EFR3B: variants seen among roughly 807,000 people sequenced by gnomAD.
The protein encoded by EFR3B is protein EFR3 homolog B.
In EFR3B, 64 loss-of-function variants were observed where a neutral mutation model predicts 104.7. The ratio of observed to expected loss-of-function variants is 0.61; its 90% CI spans 0.50 to 0.75. The LOEUF (loss-of-function observed/expected upper bound fraction) is 0.75, where lower values mean the gene tolerates loss of function less well. Among genes scored for constraint, EFR3B ranks in the 30% least tolerant of loss-of-function variants. The pLI, the probability that EFR3B is intolerant of heterozygous loss-of-function variation, is 0.00. For synonymous variants in EFR3B, 385 were observed against 417.9 expected (o/e 0.92, Z 0.96); for missense variants, 750 against 1,078.5 (o/e 0.70, Z 4.27).
intron 1 of EFR3B, among the ~76,000 whole-genome samples, chr2:25,060,900 G>T (rs113664135): frequency 4.1e-4 from 60 of 147,364 alleles, no homozygotes; most frequent in African/African-American, 1.5e-3. Context: ...CAGCCTGGGC[G>T]ACACGACGAG....
At chr2:25,119,724 G>A (rs1250792205) in intron 4 of EFR3B, among the ~76,000 whole-genome samples, 1 of 151,996 alleles carries the variant, frequency 6.6e-6, no homozygotes, top group African/African-American at 2.4e-5. Flanking sequence ...TTGTATGTTG[G>A]GATTCTCTCA....
At chr2:25,148,839 G>A (rs1379632784) in intron 19 of EFR3B, among the ~76,000 whole-genome samples, 3 of 142,386 alleles carry the variant, frequency 2.1e-5, no homozygotes, top group Admixed American at 7.3e-5. Context: ...GGAGAATGGC[G>A]TGAACCCGGG....
At chr2:25,153,380 C>T (rs1573243076) in intron 21 of EFR3B, among the ~76,000 whole-genome samples, 2 of 151,856 alleles carry the variant, frequency 1.3e-5, no homozygotes, top group South Asian at 4.2e-4. Flanking sequence ...AGAAAAGAGC[C>T]GGCACTAGTG....
At chr2:25,061,651 G>A (rs568274780) in intron 1 of EFR3B, among the ~76,000 whole-genome samples, 59 of 151,266 alleles carry the variant, frequency 3.9e-4, no homozygotes, top group African/African-American at 1.2e-3. Flanking sequence ...GCGCCACCAC[G>A]CCCGGCTATT....
At chr2:25,113,365 A>T (rs1334933921) in intron 4 of EFR3B, among the ~76,000 whole-genome samples, 1 of 152,156 alleles carries the variant, frequency 6.6e-6, no homozygotes, top group East Asian at 1.9e-4. Flanking sequence ...AACAGATAGG[A>T]GTTCCTGTTG....
intron 4 of EFR3B, among the ~76,000 whole-genome samples, chr2:25,104,034 A>T (rs896521949): frequency 1.3e-5 from 2 of 151,796 alleles, no homozygotes; most frequent in African/African-American, 4.8e-5. Flanking sequence ...AAAATTCACC[A>T]CTTTCAAGCA....
At chr2:25,057,714 G>GGA (rs1190353521) in intron 1 of EFR3B, among the ~76,000 whole-genome samples, 2 of 151,612 alleles carry the variant, frequency 1.3e-5, no homozygotes, top group African/African-American at 2.4e-5. Context: ...CCTGGGAGGC[G>GGA]GAGGTTGTAG....
At chr2:25,121,535 C>T in intron 4 of EFR3B, 138 bp from the exon 5 acceptor site, 1 of 1,009,662 alleles carries the variant, frequency 9.9e-7, no homozygotes. Flanking sequence ...CCCCAGTGTG[C>T]TCTGCAAGGC....
intron 4 of EFR3B, among the ~76,000 whole-genome samples, chr2:25,116,510 GC>G (rs1391010202): frequency 6.8e-6 from 1 of 146,750 alleles, no homozygotes; most frequent in Non-Finnish European, 1.5e-5. Context: ...TGTAATCCTA[GC>G]TTTTTGGGAG....
chr2:25,151,940 G>T lies in EFR3B; in HGVS notation c.2218G>T (p.Glu740Ter). 6.4e-7 allele frequency: 1 copy of T among 1,551,778 alleles called. No individual in the cohort carries two copies. Among genetic ancestry groups the T allele is most frequent in the South Asian group, 1.2e-5 (1 of 84,060 alleles). The part of the protein sequence containing the change: ...IVDSVAVEEQ[E>*]RERRRQVVEK... Reference sequence around the variant, plus strand: ...GGACAGCGTAGCAGTGGAGGAGCAGGAGCGTGAGCGGCGGCGGCAGGTGGT... The same window carrying T: ...GGACAGCGTAGCAGTGGAGGAGCAGTAGCGTGAGCGGCGGCGGCAGGTGGT... Residue 740 changes from glutamate to a stop codon, truncating the protein, a stop_gained, in exon 21 of 23, where the codon GAG becomes TAG. Coordinates refer to ENST00000403714, the MANE Select transcript of EFR3B (RefSeq NM_014971.2). LOFTEE classifies it high-confidence loss of function.
In EFR3B at chr2:25,084,388, T is replaced by C. The variant is rs1668891820; in HGVS notation, c.8-6937T>C. Among the ~76,000 whole-genome samples the C allele has an allele frequency of 3.9e-5, 6 of 151,964 alleles. No homozygotes were observed. In the South Asian group the frequency reaches 1.2e-3, roughly 32 times the overall value. On this transcript the variant is annotated intron_variant, in intron 1 of 22. Coordinates refer to ENST00000403714, the MANE Select transcript of EFR3B (RefSeq NM_014971.2). ...AATAGCTGGGATTACAGGTGCGCGCTGCCACGCCCTGCTAATTTTTTTGTA... is the reference window on the plus strand; with the variant it reads ...AATAGCTGGGATTACAGGTGCGCGCCGCCACGCCCTGCTAATTTTTTTGTA...
chr2:25,131,931 C>A lies in EFR3B; in HGVS notation c.1147+20C>A. The A allele has an allele frequency of 3.0e-6, 2 of 669,408 alleles. No homozygotes were observed. The highest frequency in any genetic ancestry group is 3.7e-6 in the Non-Finnish European group (2 of 543,634). 41.5% of individuals were successfully genotyped at this position (669,408 alleles called of 1,614,324 possible). On this transcript the variant is annotated intron_variant, in intron 10 of 22. Transcript: ENST00000403714. This position sits in a 1 kb window ranked among gnomAD's most constrained non-coding sequence, Gnocchi z 7.6. ...CCGTGGGTGCGGCGCGGGGCCGGGC[C>A]GGGGCGGGGCGGGGCCGAGGCGCGG...
intron 19 of EFR3B, chr2:25,147,186 CCTT>C (rs1670841494): frequency 6.6e-6 from 1 of 152,246 alleles, no homozygotes; most frequent in African/African-American, 2.4e-5. Flanking sequence ...AGGGAGCATC[CCTT>C]CTCTCTTGCC....
chr2:25,042,591 G>T lies in EFR3B; in HGVS notation c.7+272G>T, dbSNP rs867819128. On this transcript the variant is annotated intron_variant, in intron 1 of 22. Coordinates refer to ENST00000403714, the MANE Select transcript of EFR3B (RefSeq NM_014971.2). This position sits in a 1 kb window ranked among gnomAD's most constrained non-coding sequence, Gnocchi z 5.4. The stretch of plus-strand genomic sequence containing the variant: ...GGGGCGGAGGCTCAGGGGAAAGCGG[G>T]TCTCCCGGAGCCGAGCAGACCGGGA... The T allele has an allele frequency of 8.4e-7, 1 of 1,193,192 alleles. No individual in the cohort carries two copies. Among genetic ancestry groups the T allele is most frequent in the African/African-American group, 1.6e-5 (1 of 63,186 alleles). 73.9% of individuals were successfully genotyped at this position (1,193,192 alleles called of 1,614,324 possible). A position where few individuals can be genotyped will look rare whatever the true frequency, so the allele number is the denominator to read the frequency against.
At chr2:25,079,509 T>C (rs542135431) in intron 1 of EFR3B, among the ~76,000 whole-genome samples, 1 of 152,358 alleles carries the variant, frequency 6.6e-6, no homozygotes, top group East Asian at 1.9e-4. Flanking sequence ...ACGAGACTTA[T>C]ATGAAATATT....
At position 25,112,481 on chromosome 2, in the gene EFR3B, A is replaced by G. The variant is rs556785396; in HGVS notation, c.363+8694A>G. ...AGGAGAGTATGTCATAGATCTGGGGAATTACTATGCCTTGGCTGGTAGTCA... is the reference window on the plus strand; with the variant it reads ...AGGAGAGTATGTCATAGATCTGGGGGATTACTATGCCTTGGCTGGTAGTCA... On this transcript the variant is annotated intron_variant, in intron 4 of 22. Transcript: ENST00000403714. 2.0e-5 allele frequency among the ~76,000 whole-genome samples: 3 copies of G among 152,310 alleles called. No homozygotes were observed. In the South Asian group the frequency reaches 6.2e-4, roughly 32 times the overall value.
At chr2:25,091,282 GAC>G in intron 1 of EFR3B, 41 bp from the exon 2 acceptor site, 1 of 1,541,166 alleles carries the variant, frequency 6.5e-7, no homozygotes, top group Non-Finnish European at 8.8e-7. Context: ...TCCTGGGCCC[GAC>G]CAGGAGGCTT....
chr2:25,042,203 G>C lies in EFR3B; in HGVS notation c.-110G>C, dbSNP rs956891644. The C allele has an allele frequency of 6.2e-6, 7 of 1,129,918 alleles. No individual in the cohort carries two copies. Among genetic ancestry groups the C allele is most frequent in the Non-Finnish European group, 7.8e-6 (7 of 899,838 alleles). 70.0% of individuals were successfully genotyped at this position (1,129,918 alleles called of 1,614,324 possible). A position where few individuals can be genotyped will look rare whatever the true frequency, so the allele number is the denominator to read the frequency against. ...CTCCCTCCCCGCCCGGGCCCCTGTC[G>C]GCCGCCGCCAGTCCCCGCCCCGACT... On this transcript the variant is annotated 5_prime_UTR_variant, in exon 1 of 23. Coordinates refer to ENST00000403714, the MANE Select transcript of EFR3B (RefSeq NM_014971.2). This position sits in a 1 kb window ranked among gnomAD's most constrained non-coding sequence, Gnocchi z 5.4.
At chr2:25,086,161 C>A (rs375882736) in intron 1 of EFR3B, among the ~76,000 whole-genome samples, 1 of 152,182 alleles carries the variant, frequency 6.6e-6, no homozygotes, top group Admixed American at 6.5e-5. Flanking sequence ...AGTTTATTCA[C>A]CCACTGCAGG....
Sources: gnomAD v4.1 joint callset for allele counts (sites outside exome capture counted in the v4.1 genomes callset) on GRCh38, gnomAD v4.1.1 for gene constraint, Gnocchi (gnomAD v3.1) non-coding constraint, MANE v1.5 for transcripts, NCBI Gene and HGNC (gene_info 2026-07-23, HGNC 2026-07-21) for gene names.